The following CACNA2D1 variants were observed in gnomAD, a reference collection of about 807,000 sequenced individuals.
CACNA2D1 encodes the protein voltage-dependent calcium channel subunit alpha-2/delta-1.
In CACNA2D1, 53 loss-of-function variants were observed where a neutral mutation model predicts 171.5. The ratio of observed to expected loss-of-function variants is 0.31; its 90% CI spans 0.25 to 0.39. CACNA2D1 has a LOEUF of 0.39. CACNA2D1 is among the 10% of genes least tolerant of loss of function. CACNA2D1 has a pLI of 1.00. For synonymous variants in CACNA2D1, 442 were observed against 443.1 expected (o/e 1.00, Z 0.03); for missense variants, 903 against 1,299.8 (o/e 0.69, Z 4.69).
chr7:82,117,291 T>C (rs1789175566), intron 5 of CACNA2D1, 118 bp from the exon 6 acceptor site: 2 of 964,826 alleles, frequency 2.1e-6, no homozygotes, highest in African/African-American at 1.6e-5. Context: ...AACAATTGTT[T>C]AAAATATAGT....
chr7:82,394,015 T>C (rs903086970), intron 1 of CACNA2D1, among the ~76,000 whole-genome samples: 2 of 151,942 alleles, frequency 1.3e-5, no homozygotes, highest in African/African-American at 4.8e-5. Context: ...AGTTGAGAAA[T>C]AAACAAAACT....
At chr7:81,984,524 C>T (rs762836554) in intron 22 of CACNA2D1, 111 bp downstream of exon 22, 1 of 710,418 alleles carries the variant, frequency 1.4e-6, no homozygotes, top group South Asian at 1.5e-5. Context: ...TTGGTAATAA[C>T]ACCTACTAAA....
chr7:82,034,261 A>G (rs1283311978), intron 11 of CACNA2D1, among the ~76,000 whole-genome samples: 1 of 152,058 alleles, frequency 6.6e-6, no homozygotes, highest in Non-Finnish European at 1.5e-5. Context: ...TAAATGACTA[A>G]TATTTTTTAA....
chr7:82,443,309 C>T, intron 1 of CACNA2D1, 56 bp downstream of exon 1: 2 of 1,542,130 alleles, frequency 1.3e-6, no homozygotes, highest in Non-Finnish European at 1.8e-6. Context: ...CGACCCCCAC[C>T]CCCAACTCCC....
chr7:82,373,120 G>A (rs1179893270), intron 1 of CACNA2D1, among the ~76,000 whole-genome samples: 2 of 152,090 alleles, frequency 1.3e-5, no homozygotes, highest in African/African-American at 4.8e-5. Context: ...GGAGGCAAAG[G>A]TTGCAGTGAA....
chr7:82,398,319 C>T (rs1825957694), intron 1 of CACNA2D1, among the ~76,000 whole-genome samples: 1 of 152,172 alleles, frequency 6.6e-6, no homozygotes, highest in Non-Finnish European at 1.5e-5. Flanking sequence ...GTCTTTGCCA[C>T]AGTGAAGACA....
intron 5 of CACNA2D1, among the ~76,000 whole-genome samples, chr7:82,132,984 T>C (rs1228524486): frequency 1.3e-5 from 2 of 152,226 alleles, no homozygotes; most frequent in African/African-American, 4.8e-5. Flanking sequence ...AACTGAATGA[T>C]GTCACAAGGA....
intron 9 of CACNA2D1, among the ~76,000 whole-genome samples, chr7:82,061,839 CCCACTTTTGGGTGGGGAGCACAGGATT>C (rs1806967238): frequency 6.6e-6 from 1 of 152,102 alleles, no homozygotes. Flanking sequence ...TTGTGCTGAG[CCCACTTTTGGGTGGGGAGCACAGGATT>C]GGTTGAGGCA....
chr7:82,396,594 T>C (rs1444965620), intron 1 of CACNA2D1, among the ~76,000 whole-genome samples: 2 of 152,234 alleles, frequency 1.3e-5, no homozygotes, highest in Admixed American at 6.5e-5. Context: ...TAAATAGCTA[T>C]TGCTCAATTT....
At chr7:82,238,592 A>G (rs1159905904) in intron 3 of CACNA2D1, among the ~76,000 whole-genome samples, 1 of 152,050 alleles carries the variant, frequency 6.6e-6, no homozygotes, top group Non-Finnish European at 1.5e-5. Context: ...ACGTTGCAGA[A>G]AAAAAAGAAA....
intron 3 of CACNA2D1, among the ~76,000 whole-genome samples, chr7:82,199,289 A>G (rs1799176373): frequency 1.3e-5 from 2 of 152,148 alleles, no homozygotes; most frequent in Non-Finnish European, 2.9e-5. Flanking sequence ...AAGGCTCACA[A>G]TAAGAGCAGA....
At chr7:82,412,956 A>G (rs1288817412) in intron 1 of CACNA2D1, among the ~76,000 whole-genome samples, 1 of 152,138 alleles carries the variant, frequency 6.6e-6, no homozygotes, top group Admixed American at 6.5e-5. Context: ...AGTGTTTATA[A>G]GCCATTCAAA....
At chr7:81,998,619 A>T (rs1798286870) in intron 18 of CACNA2D1, among the ~76,000 whole-genome samples, 1 of 152,070 alleles carries the variant, frequency 6.6e-6, no homozygotes, top group Non-Finnish European at 1.5e-5. Flanking sequence ...GGCAAATTTT[A>T]AAAAATAGCC....
At chr7:82,299,542 T>G (rs951515024) in intron 3 of CACNA2D1, among the ~76,000 whole-genome samples, 2 of 151,884 alleles carry the variant, frequency 1.3e-5, no homozygotes, top group South Asian at 4.2e-4. Context: ...GCACCTGTAG[T>G]CCCAGCTACT....
intron 2 of CACNA2D1, among the ~76,000 whole-genome samples, chr7:82,338,765 G>A (rs1694855279): frequency 1.3e-5 from 2 of 152,152 alleles, no homozygotes; most frequent in South Asian, 4.1e-4. Context: ...GCCATTCTAT[G>A]TCCTAAATCT....
At chr7:82,149,061 G>A (rs1446217360) in intron 4 of CACNA2D1, among the ~76,000 whole-genome samples, 2 of 152,174 alleles carry the variant, frequency 1.3e-5, no homozygotes, top group African/African-American at 4.8e-5. Context: ...TCTGGGTCAA[G>A]GATCGGCTGC....
intron 21 of CACNA2D1, 143 bp from the exon 22 acceptor site, chr7:81,984,854 A>G: frequency 1.5e-6 from 1 of 656,328 alleles, no homozygotes; most frequent in South Asian, 1.6e-5. Flanking sequence ...AAGAAAATGC[A>G]TTCAGCAAAT....
chr7:81,987,641 G>A (rs1797107928), intron 21 of CACNA2D1, among the ~76,000 whole-genome samples: 1 of 152,086 alleles, frequency 6.6e-6, no homozygotes, highest in African/African-American at 2.4e-5. Context: ...CTTCAACTTA[G>A]ATGTAACATT....
At chr7:82,098,674 G>C (rs1812229992) in intron 6 of CACNA2D1, among the ~76,000 whole-genome samples, 1 of 152,074 alleles carries the variant, frequency 6.6e-6, no homozygotes, top group South Asian at 2.1e-4. Flanking sequence ...TCTACCACAG[G>C]AGTCATATAT....
Sources: allele counts gnomAD v4.1 joint callset (sites outside exome capture counted in the v4.1 genomes callset), GRCh38; gene constraint gnomAD v4.1.1; transcripts MANE v1.5; gene names NCBI Gene and HGNC (gene_info 2026-07-23, HGNC 2026-07-21).